The following STAU2 variants were observed in gnomAD, a reference collection of about 807,000 sequenced individuals.
The protein encoded by STAU2 is double-stranded RNA-binding protein Staufen homolog 2.
Under a neutral mutation model 65.9 loss-of-function variants are expected in STAU2, and 20 were observed. The ratio of observed to expected loss-of-function variants is 0.30; its 90% CI spans 0.21 to 0.44. The LOEUF (loss-of-function observed/expected upper bound fraction) is 0.44. Ranked by LOEUF, STAU2 falls within the 20% of genes least tolerant of loss-of-function variation. STAU2 has a pLI of 1.00. For missense variants in STAU2, 558 were observed against 683.9 expected, an observed-to-expected ratio of 0.82 and a Z score of 2.05; for synonymous variants, 232 against 233.9, an observed-to-expected ratio of 0.99 and a Z score of 0.07.
intron 13 of STAU2, among the ~76,000 whole-genome samples, chr8:73,534,421 C>T (rs1283051294): frequency 6.6e-6 from 1 of 152,130 alleles, no homozygotes; most frequent in Admixed American, 6.5e-5. Context: ...GGTTTCAAAA[C>T]TTTACTACTT....
intron 6 of STAU2, among the ~76,000 whole-genome samples, chr8:73,668,702 A>G (rs1341150732): frequency 6.6e-6 from 1 of 152,114 alleles, no homozygotes; most frequent in Non-Finnish European, 1.5e-5. Flanking sequence ...ACATAACCGG[A>G]TGTAATTATT....
At chr8:73,489,517 T>A (rs1235409257) in intron 13 of STAU2, among the ~76,000 whole-genome samples, 1 of 151,990 alleles carries the variant, frequency 6.6e-6, no homozygotes, top group Non-Finnish European at 1.5e-5. Context: ...GCAAATGACC[T>A]GAGTGTTTCA....
chr8:73,732,660 T>G (rs1265629030), intron 3 of STAU2: 1 of 152,208 alleles, frequency 6.6e-6, no homozygotes, highest in Non-Finnish European at 1.5e-5. Flanking sequence ...GAAAAGTAAC[T>G]ACTACTAAGT....
intron 3 of STAU2, among the ~76,000 whole-genome samples, chr8:73,728,717 T>G (rs1476172049): frequency 6.6e-6 from 1 of 152,196 alleles, no homozygotes; most frequent in Non-Finnish European, 1.5e-5. Flanking sequence ...AAATTTCTTT[T>G]TGTATTGTTC....
At chr8:73,462,264 C>CT (rs1462203193) in intron 13 of STAU2, among the ~76,000 whole-genome samples, 241 of 149,060 alleles carry the variant, frequency 1.6e-3, no homozygotes, top group Middle Eastern at 3.4e-3. Flanking sequence ...ATTTTTTTTT[C>CT]TTTTTTTTTA....
At chr8:73,715,463 A>G (rs1345211097) in intron 3 of STAU2, among the ~76,000 whole-genome samples, 1 of 148,226 alleles carries the variant, frequency 6.7e-6, no homozygotes, top group African/African-American at 2.5e-5. Flanking sequence ...AAAAAAAAAA[A>G]AAAGAAAGAA....
chr8:73,672,897 A>C, intron 6 of STAU2: 2 of 244,198 alleles, frequency 8.2e-6, no homozygotes, highest in Non-Finnish European at 1.4e-5. Context: ...TTTGTGGGGT[A>C]GGGGAAAAAA....
intron 13 of STAU2, among the ~76,000 whole-genome samples, chr8:73,537,251 C>T (rs908551759): frequency 2.0e-5 from 3 of 152,062 alleles, no homozygotes; most frequent in African/African-American, 7.2e-5. Flanking sequence ...GAGATCATAA[C>T]ATCTAATCTG....
At chr8:73,538,171 G>C (rs10957672) in intron 13 of STAU2, among the ~76,000 whole-genome samples, 56,080 of 151,930 alleles carry the variant, frequency 0.37, 11,423 homozygotes, top group Non-Finnish European at 0.46. Context: ...ACATTAGTAG[G>C]AAAACTGGCA....
intron 13 of STAU2, among the ~76,000 whole-genome samples, chr8:73,429,600 ATTT>A (rs894064148): frequency 1.4e-5 from 2 of 144,666 alleles, no homozygotes; most frequent in Non-Finnish European, 3.1e-5. Flanking sequence ...ACCTGGCTAA[ATTT>A]TTTTTTTTAT....
chr8:73,426,833 T>C (rs1816858454), intron 13 of STAU2, among the ~76,000 whole-genome samples: 1 of 152,176 alleles, frequency 6.6e-6, no homozygotes, highest in African/African-American at 2.4e-5. Flanking sequence ...AAATTTCCTA[T>C]TGGTTCAATC....
At chr8:73,633,094 G>T (rs1335434899) in intron 6 of STAU2, among the ~76,000 whole-genome samples, 1 of 152,176 alleles carries the variant, frequency 6.6e-6, no homozygotes, top group Non-Finnish European at 1.5e-5. Context: ...GCACTTAAAA[G>T]GAGTCCACTA....
chr8:73,742,515 G>A (rs1029727977), intron 1 of STAU2, among the ~76,000 whole-genome samples: 1 of 151,494 alleles, frequency 6.6e-6, no homozygotes, highest in South Asian at 2.1e-4. Context: ...GGGTGACAGA[G>A]TAAGACTCCA....
chr8:73,525,932 A>G (rs1053944386), intron 13 of STAU2, among the ~76,000 whole-genome samples: 1 of 152,202 alleles, frequency 6.6e-6, no homozygotes, highest in African/African-American at 2.4e-5. Context: ...CCTAGCATAC[A>G]GTCAATTTGT....
intron 6 of STAU2, chr8:73,653,855 A>C: frequency 2.3e-6 from 1 of 434,270 alleles, no homozygotes; most frequent in Non-Finnish European, 4.6e-6. Context: ...AATCCCTTTT[A>C]CCATGGAACA....
chr8:73,572,883 G>T (rs1290404181), intron 12 of STAU2, among the ~76,000 whole-genome samples: 1 of 152,070 alleles, frequency 6.6e-6, no homozygotes, highest in African/African-American at 2.4e-5. Flanking sequence ...ACATAGTGTT[G>T]GAAGTCCTGG....
rs189987823 is a variant in STAU2 at position 73,597,944 on chromosome 8, C to T, written c.1030-2647G>A. 4.6e-5 allele frequency among the ~76,000 whole-genome samples: 7 copies of T among 152,210 alleles called. No individual in the cohort carries two copies. The South Asian group carries it at 1.0e-3, about 23-fold the overall frequency. On this transcript the variant is annotated intron_variant, in intron 10 of 14. Coordinates refer to ENST00000524300, the MANE Select transcript of STAU2 (RefSeq NM_001164380.2). ...TTCATCCAAATTCATCCATAAAACA[C>T]GAAATGAGAAATCAGTCCCCAATTA...
intron 6 of STAU2, among the ~76,000 whole-genome samples, chr8:73,663,904 T>C (rs1473075557): frequency 6.6e-6 from 1 of 152,222 alleles, no homozygotes; most frequent in African/African-American, 2.4e-5. Context: ...TAAATTCACT[T>C]ATTCAGTAGC....
chr8:73,527,820 C>G (rs139710481), intron 13 of STAU2: 1 of 1,519,594 alleles, frequency 6.6e-7, no homozygotes. Flanking sequence ...ACAGAACACA[C>G]GCAATCCACT....
Sources: gnomAD v4.1 joint callset for allele counts (sites outside exome capture counted in the v4.1 genomes callset) on GRCh38, gnomAD v4.1.1 for gene constraint, MANE v1.5 for transcripts, NCBI Gene and HGNC (gene_info 2026-07-23, HGNC 2026-07-21) for gene names.